Variants in LAD1 observed in about 807,000 individuals in gnomAD.
LAD1 encodes ladinin 1, also known as ladinin-1.
A neutral mutation model predicts 54.2 loss-of-function variants in LAD1; 53 were observed. The observed-to-expected ratio is 0.98, with a 90% CI of 0.78 to 1.23. The LOEUF (loss-of-function observed/expected upper bound fraction) is 1.23, where lower values mean the gene tolerates loss of function less well. LAD1 is among the 50% of genes most tolerant of loss of function. The pLI, the probability that LAD1 is intolerant of heterozygous loss-of-function variation, is 0.00. For synonymous variants in LAD1, 231 were observed against 257.7 expected (o/e 0.90, Z 0.99); for missense variants, 637 against 653.3 (o/e 0.98, Z 0.27).
At chr1:201,389,074 A>C in intron 2 of LAD1, 86 bp downstream of exon 2, 1 of 1,488,428 alleles carries the variant, frequency 6.7e-7, no homozygotes, top group Non-Finnish European at 9.1e-7. Flanking sequence ...CTGGGCCCCA[A>C]CTCCCTGAGC....
At chr1:201,389,530 C>T (rs1218127477) in intron 1 of LAD1, among the ~76,000 whole-genome samples, 1 of 152,142 alleles carries the variant, frequency 6.6e-6, no homozygotes, top group Non-Finnish European at 1.5e-5. Context: ...CTATGTACAT[C>T]GGCCAGGCGC....
At chr1:201,398,700 G>A (rs1269107512) in intron 1 of LAD1, among the ~76,000 whole-genome samples, 1 of 152,170 alleles carries the variant, frequency 6.6e-6, no homozygotes, top group Non-Finnish European at 1.5e-5. Context: ...GATGGGGATG[G>A]CAACTATCTT....
chr1:201,384,055 G>A (rs1388274442), intron 5 of LAD1, among the ~76,000 whole-genome samples: 1 of 152,214 alleles, frequency 6.6e-6, no homozygotes, highest in Non-Finnish European at 1.5e-5. Context: ...CTAGCCCTGG[G>A]TTCATATTCC....
At chr1:201,382,817 T>C (rs1661989858) in intron 7 of LAD1, 78 bp from the exon 8 acceptor site, 1 of 1,157,426 alleles carries the variant, frequency 8.6e-7, no homozygotes, top group Admixed American at 2.0e-5. Flanking sequence ...TGGAATGGGA[T>C]AGGACTCTCC....
intron 1 of LAD1, among the ~76,000 whole-genome samples, chr1:201,396,222 C>T (rs1558274384): frequency 6.6e-6 from 1 of 152,130 alleles, no homozygotes; most frequent in Non-Finnish European, 1.5e-5. Context: ...TCCCTCTAGA[C>T]AACCCTTTCC....
Position 201,381,059 on chromosome 1 carries a change from C to T in LAD1, c.*829G>A, listed in dbSNP as rs983219205. ...CCCTGTATGTGGCAGTTCCCAGTCA[C>T]CAAGCTAGGACTGCTGAGTGGCAAG... On this transcript the variant is annotated 3_prime_UTR_variant, in exon 10 of 10. Coordinates refer to ENST00000391967, the MANE Select transcript of LAD1 (RefSeq NM_005558.4). 6.6e-6 allele frequency: 1 copy of T among 152,042 alleles called. No individual in the cohort carries two copies. The allele number at this position is 152,042 out of a possible 1,614,324, so 9.4% of individuals were successfully genotyped here.
At position 201,382,340 on chromosome 1, in the gene LAD1, T is replaced by G; in HGVS notation, c.1474-14A>C. On this transcript the variant is annotated splice_polypyrimidine_tract_variant and intron_variant, in intron 8 of 9. Coordinates refer to ENST00000391967, the MANE Select transcript of LAD1 (RefSeq NM_005558.4). ...TTTCTGTGCCTCCTGATTGAGGGTA[T>G]CAGGGTGGAGACCAGAGACTAAGAC... 6.2e-7 allele frequency: 1 copy of G among 1,605,948 alleles called. No homozygotes were observed. Among genetic ancestry groups the G allele is most frequent in the Non-Finnish European group, 8.5e-7 (1 of 1,172,658 alleles).
At position 201,386,408 on chromosome 1, in the gene LAD1, A is replaced by G; in HGVS notation, c.953T>C (p.Leu318Pro). Residue 318 changes from leucine to proline, a missense_variant, in exon 3 of 10, where the codon CTG (leucine) becomes CCG (proline). Physicochemically the swap from Leu to Pro is moderately conservative, Grantham distance 98 (BLOSUM62 -3). Coordinates refer to ENST00000391967, the MANE Select transcript of LAD1 (RefSeq NM_005558.4). ...AGCCCCCTGCTTTGCCAAAGAGGGCAGGTTCTTCCCAGGGAGGGCCCTTCC... is the reference window on the plus strand; with the variant it reads ...AGCCCCCTGCTTTGCCAAAGAGGGCGGGTTCTTCCCAGGGAGGGCCCTTCC... ...QRGRALPGKN[L>P]PSLAKQGASD... The G allele has an allele frequency of 6.6e-7, 1 of 1,525,572 alleles. No homozygotes were observed. The highest frequency in any genetic ancestry group is 8.8e-7 in the Non-Finnish European group (1 of 1,141,492). The allele number at this position is 1,525,572 out of a possible 1,614,324, so 94.5% of individuals were successfully genotyped here.
intron 1 of LAD1, among the ~76,000 whole-genome samples, chr1:201,398,934 G>A (rs754875985): frequency 6.6e-6 from 1 of 152,174 alleles, no homozygotes; most frequent in Non-Finnish European, 1.5e-5. Flanking sequence ...GAGGCTTGGA[G>A]GTTACTCCTG....
chr1:201,387,462 T>C (rs553131928), intron 2 of LAD1, among the ~76,000 whole-genome samples: 75 of 152,374 alleles, frequency 4.9e-4, no homozygotes, highest in Middle Eastern at 6.8e-3. Flanking sequence ...TGCTTTAATA[T>C]GTGCCAGAGC....
At chr1:201,398,735 C>T (rs1201488677) in intron 1 of LAD1, among the ~76,000 whole-genome samples, 1 of 152,166 alleles carries the variant, frequency 6.6e-6, no homozygotes, top group Non-Finnish European at 1.5e-5. Flanking sequence ...AGATGCCACC[C>T]CAAAATGCCA....
intron 8 of LAD1, 68 bp downstream of exon 8, chr1:201,382,585 C>T (rs1428586946): frequency 1.2e-5 from 16 of 1,313,722 alleles, no homozygotes; most frequent in Non-Finnish European, 1.7e-5. Context: ...CCGACTGTCC[C>T]TCCTCTGTCC....
chr1:201,394,705 C>T (rs778928601), intron 1 of LAD1, among the ~76,000 whole-genome samples: 1 of 152,234 alleles, frequency 6.6e-6, no homozygotes, highest in East Asian at 1.9e-4. Flanking sequence ...CTGGCTTACA[C>T]GTGAGGCCAC....
At chr1:201,385,906 G>A in intron 3 of LAD1, 101 bp from the exon 4 acceptor site, 1 of 849,332 alleles carries the variant, frequency 1.2e-6, no homozygotes, top group Non-Finnish European at 2.0e-6. Context: ...AGGAAGAGGG[G>A]AGAATGAGAC....
chr1:201,386,739 C>T lies in LAD1; in HGVS notation c.622G>A (p.Ala208Thr). 1 of 1,614,174 alleles carries T rather than the reference C, an allele frequency of 6.2e-7. No individual in the cohort carries two copies. Among genetic ancestry groups the T allele is most frequent in the East Asian group, 2.2e-5 (1 of 44,892 alleles). The change falls in exon 3 of 10, where the codon GCC becomes ACC. Residue 208 changes from alanine to threonine, a missense_variant. Physicochemically the swap from Ala to Thr is moderately conservative, Grantham distance 58. Transcript: ENST00000391967. Reference protein sequence around the residue: ...DKTSISEKVLASEKTSLSEKI... With the variant: ...DKTSISEKVLTSEKTSLSEKI... ...TCTGATAGAGATGTCTTCTCTGAGGCCAGCACCTTCTCAGAGATGGAGGTT... is the reference window on the plus strand; with the variant it reads ...TCTGATAGAGATGTCTTCTCTGAGGTCAGCACCTTCTCAGAGATGGAGGTT...
At chr1:201,390,372 A>C (rs1662177095) in intron 1 of LAD1, among the ~76,000 whole-genome samples, 1 of 146,364 alleles carries the variant, frequency 6.8e-6, no homozygotes, top group Non-Finnish European at 1.5e-5. Context: ...TAAAAATACA[A>C]AAAAAAAAAA....
rs1479741947 is a variant in LAD1 at position 201,399,231 on chromosome 1, C to T, written c.38+38G>A. ...GGAGAGGAGACCCAAAGGCTCCCCG[C>T]CGACCCCCCGCCCCTCCCGGCTCCC... On this transcript the variant is annotated intron_variant, in intron 1 of 9. Transcript: ENST00000391967. 9.2e-6 allele frequency: 14 copies of T among 1,518,816 alleles called. 1 individual carries two copies. In the Admixed American group the frequency reaches 2.7e-4, roughly 29 times the overall value. 94.1% of individuals were successfully genotyped at this position (1,518,816 alleles called of 1,614,324 possible).
chr1:201,382,632 C>T (rs965662205), intron 8 of LAD1, 21 bp downstream of exon 8: 5 of 1,563,072 alleles, frequency 3.2e-6, no homozygotes, highest in Admixed American at 1.8e-5. Flanking sequence ...CAGTAAGAGA[C>T]ATCAGGGAGG....
At chr1:201,382,922 C>T in intron 7 of LAD1, 152 bp downstream of exon 7, 3 of 1,089,078 alleles carry the variant, frequency 2.8e-6, no homozygotes, top group East Asian at 4.7e-5. Context: ...AGGAGATGGG[C>T]TCAGGAACGT....
Sources: gnomAD v4.1 joint callset for allele counts (sites outside exome capture counted in the v4.1 genomes callset) on GRCh38, gnomAD v4.1.1 for gene constraint, MANE v1.5 for transcripts, NCBI Gene and HGNC (gene_info 2026-07-23, HGNC 2026-07-21) for gene names.